ASIC2: variants seen among roughly 807,000 people sequenced by gnomAD.
ASIC2 encodes the protein acid sensing ion channel subunit 2.
ASIC2 carries 25 observed loss-of-function variants against 57.3 expected under a neutral mutation model. The ratio of observed to expected loss-of-function variants is 0.44; its 90% CI spans 0.32 to 0.61. The LOEUF (loss-of-function observed/expected upper bound fraction) is 0.61, where lower values mean the gene tolerates loss of function less well. ASIC2 is among the 20% of genes least tolerant of loss of function. The probability of loss-of-function intolerance (pLI) is 0.06; values close to 1 mark genes in which losing one functional copy is unlikely to be tolerated. For missense variants in ASIC2, 641 were observed against 738.1 expected (o/e 0.87, Z 1.52); for synonymous variants, 319 against 307.5 (o/e 1.04, Z -0.39).
chr17:33,292,674 G>A lies in ASIC2; in HGVS notation c.-559C>T. The A allele has an allele frequency of 1.0e-6, 1 of 985,590 alleles. No homozygotes were observed. Among genetic ancestry groups the A allele is most frequent in the Non-Finnish European group, 1.2e-6 (1 of 830,058 alleles). The allele number at this position is 985,590 out of a possible 1,614,324, so 61.1% of individuals were successfully genotyped here. On this transcript the variant is annotated 5_prime_UTR_variant, in exon 1 of 10. Transcript: ENST00000225823. ...GGAGAGAAGGCGCCAAGGAACGAGC[G>A]CCCCCAGAGGCGCACCGCGGCTCCT...
At position 33,028,367 on chromosome 17, in the gene ASIC2, C is replaced by A; in HGVS notation, c.1013G>T (p.Gly338Val). The A allele has an allele frequency of 5.0e-6, 8 of 1,614,082 alleles. No homozygotes were observed. Among genetic ancestry groups the A allele is most frequent in the African/African-American group, 1.3e-5 (1 of 75,018 alleles). ...QRLTYLPPPW[G>V]ECRSSEMGLD... Reference sequence around the variant, plus strand: ...GCCCATCTCTGAGGATCGGCACTCACCCCACGGTGGGGGCAGGTATGTGAG... The same window carrying A: ...GCCCATCTCTGAGGATCGGCACTCAACCCACGGTGGGGGCAGGTATGTGAG... The change falls in exon 4 of 10, where the codon GGT becomes GTT. Residue 338 changes from glycine (G) to valine (V), a missense_variant. Coordinates refer to ENST00000225823, the MANE Select transcript of ASIC2 (RefSeq NM_183377.2).
intron 1 of ASIC2, among the ~76,000 whole-genome samples, chr17:33,255,022 A>C (rs557788370): frequency 6.7e-6 from 1 of 150,056 alleles, no homozygotes; most frequent in Admixed American, 6.7e-5. Context: ...CTATTTAGAA[A>C]GAAATCTTTT....
chr17:33,417,909 G>A (rs1483298129), intron 1 of ASIC2, among the ~76,000 whole-genome samples: 3 of 152,128 alleles, frequency 2.0e-5, no homozygotes, highest in African/African-American at 4.8e-5. Flanking sequence ...GGGAAGGCCC[G>A]ACTAGGCTTT....
At chr17:34,041,934 A>G (rs946591024) in intron 1 of ASIC2, among the ~76,000 whole-genome samples, 1 of 152,246 alleles carries the variant, frequency 6.6e-6, no homozygotes, top group Non-Finnish European at 1.5e-5. Flanking sequence ...TCTGCTAGGC[A>G]TATCCCCAAC....
chr17:33,472,283 GT>G (rs1913079962), intron 1 of ASIC2, among the ~76,000 whole-genome samples: 1 of 152,078 alleles, frequency 6.6e-6, no homozygotes, highest in South Asian at 2.1e-4. Flanking sequence ...GCCTTCCAAA[GT>G]GCTGGGATTA....
intron 1 of ASIC2, among the ~76,000 whole-genome samples, chr17:33,641,615 G>C (rs1906566657): frequency 6.6e-6 from 1 of 152,224 alleles, no homozygotes; most frequent in Non-Finnish European, 1.5e-5. Flanking sequence ...TGCAGAGTGT[G>C]CCTCACTTTA....
At position 33,657,824 on chromosome 17, in the gene ASIC2, C is replaced by T. The variant is rs183586003; in HGVS notation, c.555+498154G>A. On this transcript the variant is annotated intron_variant, in intron 1 of 9. Coordinates refer to the ASIC2 transcript ENST00000359872. ...TCTCCAGGATGTTTAGAAAAGGGAA[C>T]ACTGGATTAAACTTAGTTGGAATCC... Among the ~76,000 whole-genome samples the T allele has an allele frequency of 8.5e-4, 123 of 144,470 alleles. 1 individual carries two copies. In the Middle Eastern group the frequency reaches 0.039, roughly 46 times the overall value. The allele number at this position is 144,470 out of a possible 152,430, so 94.8% of individuals were successfully genotyped here.
chr17:33,662,300 G>C (rs1217465431), intron 1 of ASIC2, among the ~76,000 whole-genome samples: 1 of 152,118 alleles, frequency 6.6e-6, no homozygotes, highest in Non-Finnish European at 1.5e-5. Flanking sequence ...GGTGTGTTAT[G>C]AATTTAGAGC....
At chr17:33,190,650 G>A (rs1386761315) in intron 1 of ASIC2, among the ~76,000 whole-genome samples, 1 of 152,118 alleles carries the variant, frequency 6.6e-6, no homozygotes, top group Admixed American at 6.6e-5. Context: ...TAATAACCAA[G>A]ACTTTGTGGT....
intron 1 of ASIC2, among the ~76,000 whole-genome samples, chr17:33,350,687 A>AAAAGAAAGAAAG (rs55667206): frequency 9.3e-4 from 136 of 145,660 alleles, no homozygotes; most frequent in African/African-American, 3.0e-3. Flanking sequence ...GTGAGAAAAA[A>AAAAGAAAGAAAG]AAAGAAAGAA....
intron 2 of ASIC2, among the ~76,000 whole-genome samples, chr17:33,101,073 C>T (rs1050510058): frequency 2.0e-5 from 3 of 152,166 alleles, no homozygotes; most frequent in Non-Finnish European, 2.9e-5. Flanking sequence ...AGCCTAACAT[C>T]CCAGCTGGCT....
At chr17:33,126,856 C>G (rs1469049202) in intron 1 of ASIC2, among the ~76,000 whole-genome samples, 1 of 85,326 alleles carries the variant, frequency 1.2e-5, no homozygotes, top group South Asian at 4.6e-4. Flanking sequence ...TACCATTACT[C>G]TTTTTTTTTT....
At chr17:34,010,000 A>G (rs948206051) in intron 1 of ASIC2, among the ~76,000 whole-genome samples, 5 of 152,182 alleles carry the variant, frequency 3.3e-5, no homozygotes, top group South Asian at 2.1e-4. Context: ...CCAGGCGGAA[A>G]TGAAATTCCC....
chr17:34,107,290 C>A (rs1911096557), intron 1 of ASIC2, among the ~76,000 whole-genome samples: 1 of 152,028 alleles, frequency 6.6e-6, no homozygotes, highest in Non-Finnish European at 1.5e-5. Flanking sequence ...TCACTTGAGT[C>A]CTGGAGTTTC....
intron 1 of ASIC2, among the ~76,000 whole-genome samples, chr17:33,730,402 G>A (rs540098201): frequency 2.0e-5 from 3 of 152,298 alleles, no homozygotes; most frequent in Admixed American, 6.5e-5. Flanking sequence ...TTACTGAGAA[G>A]TCAGAACAGA....
intron 2 of ASIC2, 44 bp from the exon 3 acceptor site, chr17:33,089,034 G>A (rs1399339795): frequency 1.2e-6 from 2 of 1,610,336 alleles, no homozygotes; most frequent in South Asian, 2.2e-5. Context: ...AGTAACAACA[G>A]ATGCTCATGG....
intron 1 of ASIC2, among the ~76,000 whole-genome samples, chr17:33,231,802 G>T (rs964021613): frequency 6.6e-6 from 1 of 152,110 alleles, no homozygotes; most frequent in Non-Finnish European, 1.5e-5. Flanking sequence ...CAACAATGGG[G>T]TCTTATGCTT....
intron 1 of ASIC2, among the ~76,000 whole-genome samples, chr17:33,464,510 T>TC (rs1912765372): frequency 5.5e-5 from 2 of 36,418 alleles, no homozygotes; most frequent in African/African-American, 1.2e-4. Context: ...CTTTCTTTCT[T>TC]TCTTTCTTTC....
intron 1 of ASIC2, among the ~76,000 whole-genome samples, chr17:33,898,423 A>C (rs887746431): frequency 2.6e-5 from 4 of 151,476 alleles, no homozygotes; most frequent in African/African-American, 9.7e-5. Flanking sequence ...TTTTTAGTAG[A>C]GACGGGGTTT....
Sources: allele counts gnomAD v4.1 joint callset (sites outside exome capture counted in the v4.1 genomes callset), GRCh38; gene constraint gnomAD v4.1.1; transcripts MANE v1.5; gene names NCBI Gene and HGNC (gene_info 2026-07-23, HGNC 2026-07-21).